SOX5: variants seen among roughly 807,000 people sequenced by gnomAD.
SOX5 encodes SRY-box transcription factor 5, also known as transcription factor SOX-5.
In SOX5, 9 loss-of-function variants were observed where a neutral mutation model predicts 92.0. The observed-to-expected ratio is 0.10, with a 90% CI of 0.06 to 0.17. SOX5 has a LOEUF of 0.17. SOX5 is among the 10% of genes least tolerant of loss of function. The pLI is 1.00. For missense variants in SOX5, 642 were observed against 944.5 expected (o/e 0.68, Z 4.20); for synonymous variants, 344 against 336.3 (o/e 1.02, Z -0.25).
chr12:23,898,894 C>G (rs1002695046), intron 1 of SOX5, among the ~76,000 whole-genome samples: 3 of 152,052 alleles, frequency 2.0e-5, no homozygotes, highest in Non-Finnish European at 2.9e-5. Flanking sequence ...ATAAAAGCAA[C>G]CACGGTTATA....
chr12:23,999,273 G>A (rs1267670009), intron 4 of SOX5, among the ~76,000 whole-genome samples: 3 of 151,384 alleles, frequency 2.0e-5, no homozygotes, highest in African/African-American at 7.3e-5. Flanking sequence ...TTAGAAGCAG[G>A]GAGTAAAACT....
At chr12:23,898,531 T>A (rs2097200063) in intron 1 of SOX5, among the ~76,000 whole-genome samples, 1 of 152,224 alleles carries the variant, frequency 6.6e-6, no homozygotes, top group Non-Finnish European at 1.5e-5. Context: ...ATTATTAACA[T>A]CAATTATGAA....
intron 4 of SOX5, among the ~76,000 whole-genome samples, chr12:24,080,157 C>T (rs894212801): frequency 6.6e-6 from 1 of 151,806 alleles, no homozygotes; most frequent in Non-Finnish European, 1.5e-5. Context: ...CAAATTACTG[C>T]ATGTAAGATA....
In SOX5 at chr12:23,533,301, A is replaced by G. The variant is rs1156247668; in HGVS notation, c.*918T>C. On this transcript the variant is annotated 3_prime_UTR_variant, in exon 15 of 15. Coordinates refer to ENST00000451604, the MANE Select transcript of SOX5 (RefSeq NM_006940.6). ...GAAAATATTTTTCTCTAAATTTCTTATGTCTCTCTCTCTCTCTCTCTTTTC... is the reference window on the plus strand; with the variant it reads ...GAAAATATTTTTCTCTAAATTTCTTGTGTCTCTCTCTCTCTCTCTCTTTTC... 1.0e-5 allele frequency: 4 copies of G among 398,386 alleles called. No homozygotes were observed. Among genetic ancestry groups the G allele is most frequent in the Non-Finnish European group, 2.1e-5 (4 of 190,492 alleles). The allele number at this position is 398,386 out of a possible 1,614,324, so 24.7% of individuals were successfully genotyped here.
chr12:23,812,671 G>GGGGCA (rs1291770262), intron 3 of SOX5, among the ~76,000 whole-genome samples: 3 of 152,134 alleles, frequency 2.0e-5, no homozygotes, highest in Non-Finnish European at 4.4e-5. Flanking sequence ...ACCTGCATCA[G>GGGGCA]GGGCAGGGAG....
chr12:24,447,209 A>C (rs1352163367), intron 1 of SOX5, among the ~76,000 whole-genome samples: 3 of 152,200 alleles, frequency 2.0e-5, no homozygotes, highest in Admixed American at 6.5e-5. Context: ...TTTACACTAG[A>C]GAAACCTTGG....
At chr12:23,625,053 G>T (rs755821418) in intron 8 of SOX5, among the ~76,000 whole-genome samples, 6 of 152,180 alleles carry the variant, frequency 3.9e-5, no homozygotes, top group Admixed American at 1.3e-4. Context: ...TTTTAAGTGT[G>T]CAGGAGAGCA....
intron 1 of SOX5, among the ~76,000 whole-genome samples, chr12:24,423,177 G>T (rs1258857571): frequency 6.6e-6 from 1 of 152,220 alleles, no homozygotes; most frequent in Non-Finnish European, 1.5e-5. Flanking sequence ...AGGCATAAAT[G>T]TACTGTGCAA....
At chr12:24,373,926 G>C (rs1956989003) in intron 1 of SOX5, among the ~76,000 whole-genome samples, 1 of 152,182 alleles carries the variant, frequency 6.6e-6, no homozygotes, top group Non-Finnish European at 1.5e-5. Context: ...AATCGGCTTT[G>C]AGTTTCAGAG....
chr12:24,042,512 T>C (rs906929499), intron 4 of SOX5, among the ~76,000 whole-genome samples: 9 of 152,146 alleles, frequency 5.9e-5, no homozygotes, highest in Non-Finnish European at 8.8e-5. Context: ...TGTGACTGAC[T>C]GGAATATTTG....
chr12:23,742,946 C>G (rs1053113794), intron 4 of SOX5, among the ~76,000 whole-genome samples: 3 of 94,486 alleles, frequency 3.2e-5, no homozygotes, highest in Admixed American at 1.1e-4. Flanking sequence ...GTGAGATACA[C>G]TGCCTAAAAA....
chr12:23,587,551 G>A (rs944132702), intron 9 of SOX5, among the ~76,000 whole-genome samples: 2 of 151,900 alleles, frequency 1.3e-5, no homozygotes, highest in South Asian at 4.2e-4. Flanking sequence ...CCCATAGATA[G>A]GCACCTTGTA....
chr12:24,117,641 T>C (rs773643374), intron 4 of SOX5, among the ~76,000 whole-genome samples: 49 of 152,182 alleles, frequency 3.2e-4, no homozygotes, highest in Non-Finnish European at 6.2e-4. Flanking sequence ...AGCGTTAGAA[T>C]AGAAGGAAAT....
intron 3 of SOX5, among the ~76,000 whole-genome samples, chr12:23,815,556 G>A (rs1177820497): frequency 6.6e-6 from 1 of 152,122 alleles, no homozygotes; most frequent in Non-Finnish European, 1.5e-5. Flanking sequence ...AGAATTTCAT[G>A]CCTGAAAAGA....
At chr12:24,306,137 C>A (rs1948537963) in intron 2 of SOX5, among the ~76,000 whole-genome samples, 1 of 152,188 alleles carries the variant, frequency 6.6e-6, no homozygotes, top group African/African-American at 2.4e-5. Context: ...ATAGAAAATT[C>A]TCCTGAAAGT....
chr12:23,809,148 T>A (rs1241972361), intron 3 of SOX5, among the ~76,000 whole-genome samples: 1 of 152,152 alleles, frequency 6.6e-6, no homozygotes, highest in Non-Finnish European at 1.5e-5. Context: ...AACTGATATT[T>A]CTACGTGTTT....
chr12:23,782,440 C>T lies in SOX5; in HGVS notation c.482-26716G>A, dbSNP rs116333376. On this transcript the variant is annotated intron_variant, in intron 3 of 14. Coordinates refer to ENST00000451604, the MANE Select transcript of SOX5 (RefSeq NM_006940.6). Reference sequence around the variant, plus strand: ...GGAAACCTTAAGAATTTAACGTAACCTTGTTTGAAAGTGTTAACGTATCCA... The same window carrying T: ...GGAAACCTTAAGAATTTAACGTAACTTTGTTTGAAAGTGTTAACGTATCCA... 9.3e-3 allele frequency among the ~76,000 whole-genome samples: 1,415 copies of T among 152,164 alleles called. 24 individuals are homozygous for T. The highest frequency in any genetic ancestry group is 0.032 in the African/African-American group (1,348 of 41,546).
rs532262007 is a variant in SOX5, at chr12:24,111,921, C to T, written c.-2+101422G>A. Among the ~76,000 whole-genome samples, 3 of 152,266 alleles carry T rather than the reference C, an allele frequency of 2.0e-5. No homozygotes were observed. In the South Asian group the frequency reaches 6.2e-4, roughly 32 times the overall value. On this transcript the variant is annotated intron_variant, in intron 4 of 4. Transcript: ENST00000446891. ...CTACATTCCTTCTTAATGAAAGAAT[C>T]TCTATTCCATCTAGTTTTTGTAAAG...
At chr12:23,792,051 T>G (rs1035768181) in intron 3 of SOX5, among the ~76,000 whole-genome samples, 4 of 151,998 alleles carry the variant, frequency 2.6e-5, no homozygotes, top group African/African-American at 9.7e-5. Context: ...GGGAAGATTT[T>G]TAAATAGTAT....
Sources: allele counts gnomAD v4.1 joint callset (sites outside exome capture counted in the v4.1 genomes callset), GRCh38; gene constraint gnomAD v4.1.1; transcripts MANE v1.5; gene names NCBI Gene and HGNC (gene_info 2026-07-23, HGNC 2026-07-21).